EPHA8: variants seen among roughly 807,000 people sequenced by gnomAD.
EPHA8 encodes the protein ephrin type-A receptor 8.
EPHA8 carries 58 observed loss-of-function variants against 103.6 expected under a neutral mutation model. The observed-to-expected ratio is 0.56, with a 90% CI of 0.45 to 0.70. The LOEUF (loss-of-function observed/expected upper bound fraction) is 0.70, where lower values mean the gene tolerates loss of function less well. Ranked by LOEUF, EPHA8 falls within the 30% of genes least tolerant of loss-of-function variation. The pLI, the probability that EPHA8 is intolerant of heterozygous loss-of-function variation, is 0.00. For missense variants in EPHA8, 1,304 were observed against 1,395.2 expected (o/e 0.93, Z 1.04); for synonymous variants, 559 against 572.5 (o/e 0.98, Z 0.34).
intron 16 of EPHA8, 29 bp downstream of exon 16, chr1:22,601,502 T>C (rs748760318): frequency 6.3e-7 from 1 of 1,593,088 alleles, no homozygotes; most frequent in South Asian, 1.1e-5. Context: ...TGGGGCCCCA[T>C]GCGTGTGGGG....
chr1:22,595,392 C>G (rs2148262822), intron 8 of EPHA8, 69 bp downstream of exon 8: 3 of 1,362,628 alleles, frequency 2.2e-6, no homozygotes, highest in Non-Finnish European at 3.1e-6. Flanking sequence ...TGCCCCCAGC[C>G]CCACCGAGCC....
At chr1:22,593,218 A>G in intron 5 of EPHA8, 108 bp from the exon 6 acceptor site, 1 of 1,459,182 alleles carries the variant, frequency 6.9e-7, no homozygotes, top group Non-Finnish European at 9.2e-7. Flanking sequence ...ACCATCAGGA[A>G]GCTGAGCAGG....
At chr1:22,595,834 C>A (rs1641502027) in intron 8 of EPHA8, among the ~76,000 whole-genome samples, 1 of 152,236 alleles carries the variant, frequency 6.6e-6, no homozygotes, top group African/African-American at 2.4e-5. Context: ...TAACATGGGG[C>A]TAACAGCATT....
chr1:22,588,251 A>ACCCCCGCCCCTCAGGC (rs1641271422), intron 4 of EPHA8, among the ~76,000 whole-genome samples: 1 of 146,986 alleles, frequency 6.8e-6, no homozygotes, highest in African/African-American at 2.6e-5. Context: ...TCAAACCCCC[A>ACCCCCGCCCCTCAGGC]CCCCAGCCCC....
chr1:22,565,616 C>T (rs994121107), intron 1 of EPHA8, among the ~76,000 whole-genome samples: 3 of 152,194 alleles, frequency 2.0e-5, no homozygotes, highest in African/African-American at 7.2e-5. Context: ...GGGAAGGAGC[C>T]AGCACCCTCT....
intron 1 of EPHA8, among the ~76,000 whole-genome samples, chr1:22,564,736 C>T (rs1171119511): frequency 6.6e-6 from 1 of 152,120 alleles, no homozygotes; most frequent in Admixed American, 6.5e-5. Flanking sequence ...CCCCACACCC[C>T]AACCCCTGCC....
At chr1:22,600,404 G>A (rs1046325331) in intron 13 of EPHA8, among the ~76,000 whole-genome samples, 1 of 152,070 alleles carries the variant, frequency 6.6e-6, no homozygotes, top group African/African-American at 2.4e-5. Context: ...CTAGGCTGTG[G>A]CCCCTGAGCC....
chr1:22,576,214 C>A lies in EPHA8; in HGVS notation c.160-3C>A. 6.2e-7 allele frequency: 1 copy of A among 1,602,512 alleles called. No homozygotes were observed. The highest frequency in any genetic ancestry group is 1.1e-5 in the South Asian group (1 of 89,364). On this transcript the variant is annotated splice_region_variant and splice_polypyrimidine_tract_variant and intron_variant, in intron 2 of 16. Coordinates refer to ENST00000166244, the MANE Select transcript of EPHA8 (RefSeq NM_020526.5). The surrounding 1 kb of genome is among the most constrained non-coding windows in gnomAD (Gnocchi z 4.8). ...GTAGTGGCTGTGTTCTCTCTGCCCA[C>A]AGTGGGACTCCATCAACGAGGTGGA...
rs1011037239 is a variant in EPHA8, at chr1:22,570,363, CACGT to C, written c.159+1011_159+1014del. On this transcript the variant is annotated intron_variant, in intron 2 of 16. Coordinates refer to ENST00000166244, the MANE Select transcript of EPHA8 (RefSeq NM_020526.5). ...ACATGCGTGGGTACACACATGCACA[CACGT>C]GTGCGCGTACACACACGCGCGCGCG... is the stretch of plus-strand genomic sequence containing the variant. Among the ~76,000 whole-genome samples the C allele has an allele frequency of 3.9e-5, 4 of 102,928 alleles. No individual in the cohort carries two copies. In the South Asian group the frequency reaches 1.2e-3, roughly 32 times the overall value. The allele number at this position is 102,928 out of a possible 152,430, so 67.5% of individuals were successfully genotyped here. A position where few individuals can be genotyped will look rare whatever the true frequency, so the allele number is the denominator to read the frequency against.
At chr1:22,572,942 T>A (rs1640583536) in intron 2 of EPHA8, among the ~76,000 whole-genome samples, 1 of 152,218 alleles carries the variant, frequency 6.6e-6, no homozygotes. Context: ...GGCCAGACCA[T>A]TGGCCCCGGT....
At chr1:22,594,799 C>T (rs1641471928) in intron 7 of EPHA8, among the ~76,000 whole-genome samples, 1 of 152,204 alleles carries the variant, frequency 6.6e-6, no homozygotes, top group African/African-American at 2.4e-5. Flanking sequence ...TTCTCTGAGC[C>T]TCTTTCCATC....
intron 13 of EPHA8, among the ~76,000 whole-genome samples, chr1:22,600,032 AGGAG>A (rs1390897661): frequency 4.3e-5 from 4 of 93,158 alleles, no homozygotes; most frequent in Admixed American, 1.2e-4. Context: ...AAGGGAGAGA[AGGAG>A]GGAGGGAGTG....
rs1302396548 is a variant in EPHA8, at chr1:22,593,548, A to G, written c.1465A>G (p.Thr489Ala). ...GGACAAGGAGATGCAGAGCTACTCC[A>G]CCCTCAAGGCCGTCACCACCAGAGC... ...EKDKEMQSYSTLKAVTTRATV... is the reference protein window; with the variant it reads ...EKDKEMQSYSALKAVTTRATV... The change falls in exon 7 of 17, where the codon ACC becomes GCC. Residue 489 changes from threonine to alanine, a missense_variant. Coordinates refer to ENST00000166244, the MANE Select transcript of EPHA8 (RefSeq NM_020526.5). The G allele has an allele frequency of 6.2e-7, 1 of 1,612,238 alleles. No homozygotes were observed.
At chr1:22,599,541 A>G (rs898903055) in intron 13 of EPHA8, among the ~76,000 whole-genome samples, 30 of 150,542 alleles carry the variant, frequency 2.0e-4, no homozygotes, top group African/African-American at 7.1e-4. Flanking sequence ...AAGGTTTCGC[A>G]TGGAGAAAGG....
Position 22,597,647 on chromosome 1 carries a change from T to C in EPHA8, c.1931-29T>C. Reference sequence around the variant, plus strand: ...AGTCTGAGGGTCCCACTGCCCTCCCTCCACACCTGCCCCTCTCGGGGCCTG... The same window carrying C: ...AGTCTGAGGGTCCCACTGCCCTCCCCCCACACCTGCCCCTCTCGGGGCCTG... On this transcript the variant is annotated intron_variant, in intron 10 of 16. Transcript: ENST00000166244. This position sits in a 1 kb window ranked among gnomAD's most constrained non-coding sequence, Gnocchi z 4.6. The C allele has an allele frequency of 6.3e-7, 1 of 1,581,822 alleles. No individual in the cohort carries two copies. Among genetic ancestry groups the C allele is most frequent in the Non-Finnish European group, 8.6e-7 (1 of 1,163,024 alleles).
In EPHA8 at chr1:22,601,750, C is replaced by T; in HGVS notation, c.*9C>T. 1 of 1,552,144 alleles carries T rather than the reference C, an allele frequency of 6.4e-7. No homozygotes were observed. Among genetic ancestry groups the T allele is most frequent in the Non-Finnish European group, 8.7e-7 (1 of 1,148,308 alleles). On this transcript the variant is annotated 3_prime_UTR_variant, in exon 17 of 17. Transcript: ENST00000166244. ...CCCGCCGGCACCTCTGATGTACAGC[C>T]AGCAGGGCCCAGGCAGCCACCAAGC...
intron 2 of EPHA8, among the ~76,000 whole-genome samples, chr1:22,571,487 C>T (rs1387052047): frequency 5.3e-5 from 8 of 152,176 alleles, no homozygotes; most frequent in South Asian, 2.1e-4. Context: ...GAGTCCCTTC[C>T]GCCACCTTCG....
intron 3 of EPHA8, among the ~76,000 whole-genome samples, chr1:22,578,403 TGTATGCATGTCTGCATGTGTAC>T (rs1640848897): frequency 7.0e-6 from 1 of 142,282 alleles, no homozygotes; most frequent in African/African-American, 2.7e-5. Context: ...TCTGCATGAG[TGTATGCATGTCTGCATGTGTAC>T]GTATGTGTAC....
intron 3 of EPHA8, among the ~76,000 whole-genome samples, chr1:22,577,848 G>GTGCATGCGTATGTA (rs1640762177): frequency 9.5e-6 from 1 of 105,358 alleles, no homozygotes; most frequent in East Asian, 2.6e-4. Flanking sequence ...GCATGTATGT[G>GTGCATGCGTATGTA]TGCATGCGTA....
Sources: gnomAD v4.1 joint callset for allele counts (sites outside exome capture counted in the v4.1 genomes callset) on GRCh38, gnomAD v4.1.1 for gene constraint, Gnocchi (gnomAD v3.1) non-coding constraint, MANE v1.5 for transcripts, NCBI Gene and HGNC (gene_info 2026-07-23, HGNC 2026-07-21) for gene names.